Variants in PIP5K1B observed in about 807,000 individuals in gnomAD.
PIP5K1B encodes phosphatidylinositol-4-phosphate 5-kinase type 1 beta, also known as phosphatidylinositol 4-phosphate 5-kinase type-1 beta.
A neutral mutation model predicts 67.0 loss-of-function variants in PIP5K1B; 42 were observed. The ratio of observed to expected loss-of-function variants is 0.63; its 90% CI spans 0.49 to 0.81. The LOEUF is 0.81. Among genes scored for constraint, PIP5K1B ranks in the 30% least tolerant of loss-of-function variants. The pLI is 0.00. For synonymous variants in PIP5K1B, 214 were observed against 231.4 expected, an observed-to-expected ratio of 0.92 and a Z score of 0.68; for missense variants, 459 against 646.3, an observed-to-expected ratio of 0.71 and a Z score of 3.14.
chr9:68,907,795 T>C (rs940990697), intron 8 of PIP5K1B, among the ~76,000 whole-genome samples: 5 of 152,330 alleles, frequency 3.3e-5, no homozygotes, highest in Middle Eastern at 3.4e-3. Context: ...TGCTAAGACC[T>C]GTGGGAGGTA....
chr9:68,833,979 T>C (rs1383931867), intron 4 of PIP5K1B, among the ~76,000 whole-genome samples: 2 of 152,194 alleles, frequency 1.3e-5, no homozygotes, highest in Non-Finnish European at 2.9e-5. Flanking sequence ...TGCAGATGCA[T>C]AGGCATTGGT....
chr9:68,961,736 C>T (rs535435734), intron 14 of PIP5K1B, among the ~76,000 whole-genome samples: 1 of 152,318 alleles, frequency 6.6e-6, no homozygotes, highest in Admixed American at 6.5e-5. Context: ...CTAGTACCCT[C>T]CTTATCTCCT....
At chr9:68,735,316 C>CTTTTTTTTTTTTTTT (rs558810934) in intron 1 of PIP5K1B, among the ~76,000 whole-genome samples, 428 of 29,808 alleles carry the variant, frequency 0.014, 122 homozygotes, top group Non-Finnish European at 0.018. Flanking sequence ...CCCCTAGTGT[C>CTTTTTTTTTTTTTTT]TTTTTTTTTT....
At chr9:68,777,026 T>G (rs1004487662) in intron 2 of PIP5K1B, among the ~76,000 whole-genome samples, 98 of 152,316 alleles carry the variant, frequency 6.4e-4, no homozygotes, top group African/African-American at 2.2e-3. Context: ...GGGCTTCAGT[T>G]TCTTAGGTCA....
intron 6 of PIP5K1B, among the ~76,000 whole-genome samples, chr9:68,878,964 A>G (rs773856866): frequency 3.9e-5 from 6 of 152,190 alleles, no homozygotes; most frequent in Non-Finnish European, 8.8e-5. Flanking sequence ...TCGAAAGGAC[A>G]TTTAGTGGAC....
At chr9:68,985,404 A>G (rs1410285014) in intron 14 of PIP5K1B, among the ~76,000 whole-genome samples, 1 of 151,696 alleles carries the variant, frequency 6.6e-6, no homozygotes, top group African/African-American at 2.4e-5. Flanking sequence ...GGCTCCCACC[A>G]CCACGCCTGG....
chr9:68,708,286 A>G (rs1283794675), intron 1 of PIP5K1B: 2 of 152,206 alleles, frequency 1.3e-5, no homozygotes, highest in Non-Finnish European at 2.9e-5. Context: ...AGTGCTCAGT[A>G]AATAGCTGTT....
chr9:68,980,085 G>T (rs1268545379), intron 14 of PIP5K1B, among the ~76,000 whole-genome samples: 2 of 152,196 alleles, frequency 1.3e-5, no homozygotes, highest in East Asian at 3.9e-4. Flanking sequence ...GAGCCGCTCT[G>T]TCCTGGCAGG....
rs1824644105 is a variant in PIP5K1B at position 68,889,226 on chromosome 9, T to A, written c.471+93T>A. On this transcript the variant is annotated intron_variant, in intron 7 of 15. Coordinates refer to ENST00000265382, the MANE Select transcript of PIP5K1B (RefSeq NM_003558.4). ...GTTGTTTTTTTCAGTGACTCAGGCA[T>A]GTTTCTTTCTCTTTGGTAAGCTTTA... 3 of 888,670 alleles carry A rather than the reference T, an allele frequency of 3.4e-6. No homozygotes were observed. In the South Asian group the frequency reaches 4.9e-5, roughly 15 times the overall value. The allele number at this position is 888,670 out of a possible 1,614,324, so 55.0% of individuals were successfully genotyped here.
chr9:68,823,937 G>A (rs1292865078), intron 4 of PIP5K1B, among the ~76,000 whole-genome samples: 3 of 152,080 alleles, frequency 2.0e-5, no homozygotes, highest in Non-Finnish European at 4.4e-5. Flanking sequence ...TTTCCACTCA[G>A]CCAAACCTTG....
At chr9:68,925,795 A>ATTTTTTTTTT (rs71353094) in intron 12 of PIP5K1B, among the ~76,000 whole-genome samples, 39,666 of 72,292 alleles carry the variant, frequency 0.55, 13,437 homozygotes, top group South Asian at 0.76. Context: ...TGTGGTTCCA[A>ATTTTTTTTTT]TTTTTTTTTT....
chr9:68,897,055 A>G (rs890031189), intron 8 of PIP5K1B, among the ~76,000 whole-genome samples: 1 of 152,136 alleles, frequency 6.6e-6, no homozygotes, highest in African/African-American at 2.4e-5. Context: ...ACATCGCCCC[A>G]ATATTGCCCT....
intron 5 of PIP5K1B, among the ~76,000 whole-genome samples, chr9:68,867,237 G>C (rs1823404845): frequency 6.6e-6 from 1 of 151,896 alleles, no homozygotes; most frequent in South Asian, 2.1e-4. Flanking sequence ...TCCCGGTTTG[G>C]CTCTACACCC....
intron 1 of PIP5K1B, among the ~76,000 whole-genome samples, chr9:68,725,416 T>A (rs773790861): frequency 1.3e-5 from 2 of 152,188 alleles, no homozygotes; most frequent in Non-Finnish European, 2.9e-5. Flanking sequence ...TGAGGCCAAA[T>A]GAACTGAGGA....
chr9:68,800,942 T>G (rs1308059714), intron 2 of PIP5K1B, among the ~76,000 whole-genome samples: 1 of 152,170 alleles, frequency 6.6e-6, no homozygotes, highest in African/African-American at 2.4e-5. Context: ...TGTGCTTGCA[T>G]CTCTTCTCCC....
chr9:69,007,631 GC>G (rs1831143322), intron 15 of PIP5K1B, among the ~76,000 whole-genome samples: 2 of 152,186 alleles, frequency 1.3e-5, no homozygotes, highest in South Asian at 4.1e-4. Flanking sequence ...GCCAAGGTGG[GC>G]GGATCACTAG....
Position 68,800,569 on chromosome 9 carries a change from G to A in PIP5K1B, c.-85-17892G>A, listed in dbSNP as rs150232434. Among the ~76,000 whole-genome samples, 11 of 152,168 alleles carry A rather than the reference G, an allele frequency of 7.2e-5. No homozygotes were observed. The East Asian group carries it at 2.1e-3, about 29-fold the overall frequency. ...TAGCATCTATGTCAAGAGGATGTCGGGCCTTTATGTGTGATTCTATAGTTA... is the reference window on the plus strand; with the variant it reads ...TAGCATCTATGTCAAGAGGATGTCGAGCCTTTATGTGTGATTCTATAGTTA... On this transcript the variant is annotated intron_variant, in intron 2 of 15. Coordinates refer to ENST00000265382, the MANE Select transcript of PIP5K1B (RefSeq NM_003558.4).
Position 68,911,119 on chromosome 9 carries a change from A to T in PIP5K1B, c.772-6429A>T, listed in dbSNP as rs565724821. ...CCAGGCATGGTGGCTCACGCCTGTA[A>T]TCCCAGCACTTTGGGAGGCTGAGGT... On this transcript the variant is annotated intron_variant, in intron 8 of 15. Transcript: ENST00000265382. Among the ~76,000 whole-genome samples the T allele has an allele frequency of 2.0e-3, 310 of 152,326 alleles. 2 individuals are homozygous for T. Among genetic ancestry groups the T allele is most frequent in the African/African-American group, 7.2e-3 (300 of 41,570 alleles).
At chr9:68,948,947 T>G (rs879608143) in intron 14 of PIP5K1B, among the ~76,000 whole-genome samples, 3 of 152,222 alleles carry the variant, frequency 2.0e-5, no homozygotes, top group Non-Finnish European at 4.4e-5. Context: ...TCAAAGAACA[T>G]TCACATTTTT....
Sources: gnomAD v4.1 joint callset for allele counts (sites outside exome capture counted in the v4.1 genomes callset) on GRCh38, gnomAD v4.1.1 for gene constraint, MANE v1.5 for transcripts, NCBI Gene and HGNC (gene_info 2026-07-23, HGNC 2026-07-21) for gene names.